Variants in PVT1 observed in about 807,000 individuals in gnomAD.
The protein encoded by PVT1 is CXCR4/PVT1 fusion.
intron 3 of PVT1, among the ~76,000 whole-genome samples, chr8:127,910,977 T>C (rs1815890959): frequency 6.6e-6 from 1 of 151,950 alleles, no homozygotes; most frequent in African/African-American, 2.4e-5. Context: ...TTATAAGGCA[T>C]TCCTGTGCTA....
intron 3 of PVT1, among the ~76,000 whole-genome samples, chr8:127,945,181 A>T (rs1011184453): frequency 6.6e-6 from 1 of 151,726 alleles, no homozygotes; most frequent in African/African-American, 2.4e-5. Flanking sequence ...TGCTTGATGC[A>T]TTTTTTTTCT....
At chr8:127,902,301 G>A (rs1815768594) in intron 3 of PVT1, among the ~76,000 whole-genome samples, 1 of 152,124 alleles carries the variant, frequency 6.6e-6, no homozygotes, top group African/African-American at 2.4e-5. Context: ...CAAGCACTTT[G>A]ACAGTTCACA....
At chr8:128,061,237 G>A (rs1482042063) in intron 4 of PVT1, among the ~76,000 whole-genome samples, 1 of 152,140 alleles carries the variant, frequency 6.6e-6, no homozygotes, top group African/African-American at 2.4e-5. Context: ...GACGTTTCAC[G>A]TAAATGGAAC....
At chr8:127,900,144 C>T (rs1045401570) in intron 3 of PVT1, among the ~76,000 whole-genome samples, 7 of 152,118 alleles carry the variant, frequency 4.6e-5, no homozygotes, top group Non-Finnish European at 7.4e-5. Context: ...CAGGTTCAAG[C>T]GATTCTCCTG....
chr8:127,887,201 G>A lies in PVT1; in HGVS notation n.373-3388G>A, dbSNP rs576418548. Among the ~76,000 whole-genome samples the A allele has an allele frequency of 1.6e-3, 248 of 152,182 alleles. 1 individual carries two copies. The highest frequency in any genetic ancestry group is 2.7e-3 in the Non-Finnish European group (187 of 68,018). ...TCACTTTCACCTATTGTGTTGCCTT[G>A]ATCTCTGTCCTGATGTTTCAGTGCA... On this transcript the variant is annotated intron_variant and non_coding_transcript_variant, in intron 2 of 10. Coordinates refer to ENST00000651587, the Ensembl canonical transcript of PVT1.
intron 2 of PVT1, among the ~76,000 whole-genome samples, chr8:127,798,361 T>C (rs1290815624): frequency 6.6e-6 from 1 of 150,736 alleles, no homozygotes; most frequent in East Asian, 1.9e-4. Context: ...GAGAACACAG[T>C]GTGTCCCCCA....
intron 2 of PVT1, among the ~76,000 whole-genome samples, chr8:127,852,985 C>T (rs1273175964): frequency 6.6e-6 from 1 of 152,162 alleles, no homozygotes; most frequent in Non-Finnish European, 1.5e-5. Flanking sequence ...GCTGAGAGAA[C>T]AGACAAGGTT....
chr8:127,869,865 G>A (rs1279350609), intron 2 of PVT1, among the ~76,000 whole-genome samples: 5 of 152,140 alleles, frequency 3.3e-5, no homozygotes, highest in East Asian at 1.9e-4. Context: ...GTGCAGTGGC[G>A]TGATCTCGGC....
At chr8:127,959,998 A>T (rs1816619970) in intron 3 of PVT1, among the ~76,000 whole-genome samples, 1 of 152,204 alleles carries the variant, frequency 6.6e-6, no homozygotes, top group Non-Finnish European at 1.5e-5. Context: ...CGGATGCAGT[A>T]TGTGATTCCT....
At chr8:127,940,698 T>A (rs1475547002) in intron 3 of PVT1, among the ~76,000 whole-genome samples, 1 of 151,994 alleles carries the variant, frequency 6.6e-6, no homozygotes, top group African/African-American at 2.4e-5. Flanking sequence ...CCTCCAGGGC[T>A]CAAGGGGTCC....
intron 4 of PVT1, among the ~76,000 whole-genome samples, chr8:128,061,507 G>T (rs1813830266): frequency 6.6e-6 from 1 of 152,162 alleles, no homozygotes; most frequent in African/African-American, 2.4e-5. Flanking sequence ...TTTGTCTTGG[G>T]CATGTGTATA....
At chr8:127,833,149 C>T (rs1341957640) in intron 2 of PVT1, among the ~76,000 whole-genome samples, 1 of 152,056 alleles carries the variant, frequency 6.6e-6, no homozygotes, top group African/African-American at 2.4e-5. Context: ...TCTGTTGGGC[C>T]CTATGGAGCC....
intron 3 of PVT1, among the ~76,000 whole-genome samples, chr8:127,902,683 G>C (rs542466101): frequency 1.3e-5 from 2 of 152,050 alleles, no homozygotes; most frequent in South Asian, 2.1e-4. Context: ...GAGAACATGC[G>C]GTATTTTGTT....
chr8:127,951,221 G>A (rs1264844327), intron 3 of PVT1, among the ~76,000 whole-genome samples: 4 of 152,184 alleles, frequency 2.6e-5, no homozygotes, highest in African/African-American at 4.8e-5. Flanking sequence ...AGAGGGAACC[G>A]AGGCTTCCTT....
intron 3 of PVT1, among the ~76,000 whole-genome samples, chr8:127,922,960 C>T (rs1472148468): frequency 2.6e-5 from 4 of 152,254 alleles, no homozygotes; most frequent in Non-Finnish European, 5.9e-5. Flanking sequence ...CATCTCCCCA[C>T]CTTGCTGTAT....
At chr8:128,063,586 T>C (rs2608053) in intron 4 of PVT1, among the ~76,000 whole-genome samples, 77,119 of 151,958 alleles carry the variant, frequency 0.51, 19,985 homozygotes, top group East Asian at 0.74. Flanking sequence ...ACACAAGCAA[T>C]TTTTGTGTGT....
intron 3 of PVT1, among the ~76,000 whole-genome samples, chr8:127,926,467 C>T (rs532937572): frequency 1.4e-4 from 21 of 152,298 alleles, no homozygotes; most frequent in South Asian, 1.0e-3. Flanking sequence ...CTGCTTCATC[C>T]GGGAAGTTGC....
At position 127,795,273 on chromosome 8, in the gene PVT1, G is replaced by T. The variant is rs186787761; in HGVS notation, n.194+539G>T. Among the ~76,000 whole-genome samples, 6 of 152,278 alleles carry T rather than the reference G, an allele frequency of 3.9e-5. No individual in the cohort carries two copies. In the East Asian group the frequency reaches 5.8e-4, roughly 15 times the overall value. ...ACCCTCATCATGGTCATTCTTCTTG[G>T]CTGGGCTGTTGATTTAATTAGGTTT... On this transcript the variant is annotated intron_variant and non_coding_transcript_variant, in intron 1 of 10. Transcript: ENST00000651587.
intron 3 of PVT1, among the ~76,000 whole-genome samples, chr8:127,956,697 A>G (rs914817771): frequency 3.3e-5 from 5 of 152,172 alleles, no homozygotes; most frequent in African/African-American, 1.2e-4. Context: ...GTTGGGCAGG[A>G]TGGTCTGGAT....
Sources: gnomAD v4.1 joint callset for allele counts (sites outside exome capture counted in the v4.1 genomes callset) on GRCh38, gnomAD v4.1.1 for gene constraint, MANE v1.5 for transcripts, NCBI Gene and HGNC (gene_info 2026-07-23, HGNC 2026-07-21) for gene names.